Variants in SAMMSON observed in about 807,000 individuals in gnomAD.
SAMMSON encodes the protein survival associated mitochondrial melanoma specific oncogenic non-coding RNA.
At chr3:70,303,118 A>T (rs1047756405) in intron 7 of SAMMSON, among the ~76,000 whole-genome samples, 1 of 152,240 alleles carries the variant, frequency 6.6e-6, no homozygotes, top group Non-Finnish European at 1.5e-5. Context: ...CTTCATCAAC[A>T]GCACATATCA....
chr3:70,425,222 T>C (rs1016727662), intron 2 of SAMMSON: 1 of 152,190 alleles, frequency 6.6e-6, no homozygotes, highest in African/African-American at 2.4e-5. Flanking sequence ...CTTTTTCATT[T>C]GTCGAATAAG....
At chr3:70,225,189 GA>G (rs139869352) in intron 4 of SAMMSON, among the ~76,000 whole-genome samples, 7,917 of 152,190 alleles carry the variant, frequency 0.052, 245 homozygotes, top group South Asian at 0.11. Context: ...GTCCACAAAA[GA>G]AATTTTATTT....
intron 6 of SAMMSON, among the ~76,000 whole-genome samples, chr3:70,290,854 A>G (rs925214885): frequency 6.6e-6 from 1 of 152,158 alleles, no homozygotes; most frequent in Admixed American, 6.5e-5. Context: ...TTCTTTGACT[A>G]GGAAAGGGAA....
intron 7 of SAMMSON, among the ~76,000 whole-genome samples, chr3:70,330,143 A>G (rs1032840858): frequency 6.6e-6 from 1 of 151,904 alleles, no homozygotes; most frequent in Non-Finnish European, 1.5e-5. Flanking sequence ...CTGATCACAC[A>G]CCTAATTCGG....
intron 7 of SAMMSON, among the ~76,000 whole-genome samples, chr3:70,329,396 G>A (rs1702603970): frequency 6.6e-6 from 1 of 152,058 alleles, no homozygotes; most frequent in South Asian, 2.1e-4. Flanking sequence ...TTGAATTGGT[G>A]AGGAATGTGA....
chr3:70,021,050 G>A (rs2067011264), intron 3 of SAMMSON, among the ~76,000 whole-genome samples: 2 of 152,098 alleles, frequency 1.3e-5, no homozygotes, highest in Non-Finnish European at 2.9e-5. Flanking sequence ...GGAGTTAAAT[G>A]TTGGAATTTT....
chr3:70,021,092 C>T (rs1307358846), intron 3 of SAMMSON, among the ~76,000 whole-genome samples: 2 of 152,074 alleles, frequency 1.3e-5, no homozygotes, highest in Non-Finnish European at 2.9e-5. Context: ...TAGAGCATTT[C>T]CTCTTTTCAC....
intron 9 of SAMMSON, among the ~76,000 whole-genome samples, chr3:70,361,502 C>T (rs1575633592): frequency 6.6e-6 from 1 of 152,182 alleles, no homozygotes; most frequent in African/African-American, 2.4e-5. Context: ...AGCCTGCTCC[C>T]AGAGCAACAA....
chr3:70,311,930 T>C (rs1559560968), intron 7 of SAMMSON: 2 of 397,902 alleles, frequency 5.0e-6, no homozygotes, highest in Non-Finnish European at 8.9e-6. Flanking sequence ...TTCTAAATGC[T>C]CAGCTGTTCT....
intron 4 of SAMMSON, among the ~76,000 whole-genome samples, chr3:70,099,376 C>T (rs918912867): frequency 4.6e-5 from 7 of 152,086 alleles, no homozygotes; most frequent in Admixed American, 2.0e-4. Flanking sequence ...TGATTGCACT[C>T]GGTATTGTCA....
chr3:70,047,292 T>C (rs1441310733), intron 3 of SAMMSON, among the ~76,000 whole-genome samples: 1 of 151,696 alleles, frequency 6.6e-6, no homozygotes, highest in Non-Finnish European at 1.5e-5. Context: ...GCTCAGCAAA[T>C]AGTAGGTATT....
intron 9 of SAMMSON, among the ~76,000 whole-genome samples, chr3:70,373,605 G>A (rs182757141): frequency 3.6e-4 from 55 of 152,100 alleles, no homozygotes; most frequent in African/African-American, 1.3e-3. Flanking sequence ...ACAGAAGTTA[G>A]ATTTCTCATT....
intron 6 of SAMMSON, among the ~76,000 whole-genome samples, chr3:70,287,541 C>A (rs1439183192): frequency 1.3e-5 from 2 of 151,716 alleles, no homozygotes; most frequent in African/African-American, 4.8e-5. Flanking sequence ...TGTCTCTGCC[C>A]GGCTTTGGTA....
intron 6 of SAMMSON, among the ~76,000 whole-genome samples, chr3:70,280,647 C>A (rs1207084088): frequency 2.0e-5 from 3 of 152,142 alleles, no homozygotes; most frequent in East Asian, 3.9e-4. Flanking sequence ...CAGTCTCATT[C>A]TCCTCTGAGG....
intron 4 of SAMMSON, among the ~76,000 whole-genome samples, chr3:70,218,993 GAAA>G: frequency 6.6e-6 from 1 of 150,796 alleles, no homozygotes; most frequent in East Asian, 2.0e-4. Context: ...GCCATTTCAA[GAAA>G]AAAAAAGTCC....
At chr3:70,294,186 A>G (rs771302329) in intron 7 of SAMMSON, among the ~76,000 whole-genome samples, 4 of 152,204 alleles carry the variant, frequency 2.6e-5, no homozygotes, top group African/African-American at 4.8e-5. Context: ...ATAGAAATTT[A>G]CAGTTTTCTG....
intron 2 of SAMMSON, among the ~76,000 whole-genome samples, chr3:70,429,473 T>C: frequency 6.6e-6 from 1 of 152,026 alleles, no homozygotes; most frequent in Non-Finnish European, 1.5e-5. Flanking sequence ...CCATATGAAA[T>C]TTAAAGTAGT....
At chr3:70,209,840 C>T (rs754814455) in intron 4 of SAMMSON, among the ~76,000 whole-genome samples, 2 of 152,088 alleles carry the variant, frequency 1.3e-5, no homozygotes, top group African/African-American at 4.8e-5. Flanking sequence ...ACTCGCCTTT[C>T]CCTTAGCAGT....
chr3:70,382,183 T>C (rs993860988), intron 9 of SAMMSON, among the ~76,000 whole-genome samples: 3 of 152,184 alleles, frequency 2.0e-5, no homozygotes, highest in Non-Finnish European at 4.4e-5. Flanking sequence ...TTAAGCACTT[T>C]AGTATGTGTC....
Sources: allele counts gnomAD v4.1 joint callset (sites outside exome capture counted in the v4.1 genomes callset), GRCh38; gene constraint gnomAD v4.1.1; transcripts MANE v1.5; gene names NCBI Gene and HGNC (gene_info 2026-07-23, HGNC 2026-07-21).